PARD3B: variants seen among roughly 807,000 people sequenced by gnomAD.
PARD3B encodes the protein partitioning defective 3 homolog B.
In PARD3B, 103 loss-of-function variants were observed where a neutral mutation model predicts 130.2. That is an observed-to-expected ratio of 0.79 (90% CI 0.67 to 0.93). The LOEUF (loss-of-function observed/expected upper bound fraction) is 0.93. Among genes scored for constraint, PARD3B ranks in the 40% least tolerant of loss-of-function variants. The probability of loss-of-function intolerance (pLI) is 0.00; values close to 1 mark genes in which losing one functional copy is unlikely to be tolerated. For synonymous variants in PARD3B, 583 were observed against 553.2 expected, an observed-to-expected ratio of 1.05 and a Z score of -0.76; for missense variants, 1,609 against 1,499.2, an observed-to-expected ratio of 1.07 and a Z score of -1.21.
At chr2:204,589,318 G>A (rs1359472487) in intron 1 of PARD3B, among the ~76,000 whole-genome samples, 2 of 152,140 alleles carry the variant, frequency 1.3e-5, no homozygotes, top group Non-Finnish European at 2.9e-5. Context: ...CTGATCTGAT[G>A]GAACAGTATT....
chr2:205,442,814 C>T (rs576358617), intron 20 of PARD3B, among the ~76,000 whole-genome samples: 3 of 152,236 alleles, frequency 2.0e-5, no homozygotes, highest in South Asian at 2.1e-4. Flanking sequence ...TTATGATAAT[C>T]TTAACTGCAG....
chr2:204,717,115 G>T (rs190025444), intron 2 of PARD3B, among the ~76,000 whole-genome samples: 2 of 152,228 alleles, frequency 1.3e-5, no homozygotes, highest in East Asian at 3.9e-4. Flanking sequence ...GAATGAACCA[G>T]TTAGTCGTGA....
rs750215118 is a variant in PARD3B at position 205,301,485 on chromosome 2, C to G, written c.2414C>G (p.Ser805Cys). The G allele has an allele frequency of 1.2e-6, 2 of 1,612,618 alleles. No homozygotes were observed. The highest frequency in any genetic ancestry group is 1.7e-6 in the Non-Finnish European group (2 of 1,179,656). ...ACAGACGGTCTGTCTGATAAGAGCT[C>G]TCACTCTGGCCAAGGAGCTCTGAAT... ...IEADGLSDKS[S>C]HSGQGALNCE... Residue 805 changes from serine to cysteine, a missense_variant, in exon 18 of 23, where the codon TCT becomes TGT. Coordinates refer to ENST00000406610, the MANE Select transcript of PARD3B (RefSeq NM_001302769.2). The surrounding 1 kb of genome is among the most constrained non-coding windows in gnomAD (Gnocchi z 5.2).
At chr2:204,861,919 T>C (rs2045220069) in intron 2 of PARD3B, among the ~76,000 whole-genome samples, 1 of 102,808 alleles carries the variant, frequency 9.7e-6, no homozygotes, top group African/African-American at 5.7e-5. Flanking sequence ...AAAGAAGACA[T>C]TTCTCAAAAA....
At chr2:205,037,096 A>G (rs188633109) in intron 3 of PARD3B, among the ~76,000 whole-genome samples, 1,297 of 87,008 alleles carry the variant, frequency 0.015, 8 homozygotes, top group Middle Eastern at 0.078. Flanking sequence ...ATATACATAT[A>G]TAGCGGACTG....
intron 2 of PARD3B, among the ~76,000 whole-genome samples, chr2:204,765,167 C>T (rs907353724): frequency 6.6e-6 from 1 of 152,166 alleles, no homozygotes; most frequent in Admixed American, 6.5e-5. Flanking sequence ...ACATTTGTTT[C>T]ACTGAGCAGA....
At chr2:205,247,310 A>G (rs1189171805) in intron 16 of PARD3B, among the ~76,000 whole-genome samples, 1 of 152,194 alleles carries the variant, frequency 6.6e-6, no homozygotes, top group Non-Finnish European at 1.5e-5. Context: ...GAACTTTGTC[A>G]TCTTTGTATA....
rs958244820 is a variant in PARD3B at position 205,321,746 on chromosome 2, A to G, written c.2630+20045A>G. Among the ~76,000 whole-genome samples the G allele has an allele frequency of 6.6e-6, 1 of 152,172 alleles. No homozygotes were observed. The highest frequency in any genetic ancestry group is 1.5e-5 in the Non-Finnish European group (1 of 68,016). ...TCAAATATGATTACAAGTCAAGAAA[A>G]CCATTTTTGTGGGGTTTATCACTAT... On this transcript the variant is annotated intron_variant, in intron 18 of 22. Transcript: ENST00000406610. This position sits in a 1 kb window ranked among gnomAD's most constrained non-coding sequence, Gnocchi z 4.2.
rs1239012048 is a variant in PARD3B at position 205,089,201 on chromosome 2, G to A, written c.505-15225G>A. Among the ~76,000 whole-genome samples the A allele has an allele frequency of 6.4e-5, 9 of 140,322 alleles. No homozygotes were observed. The East Asian group carries it at 8.4e-4, about 13-fold the overall frequency. 92.1% of individuals were successfully genotyped at this position (140,322 alleles called of 152,430 possible). The stretch of plus-strand genomic sequence containing the variant: ...TTTGTTTGTTTGGAGATGAAGTCTC[G>A]CTCTTGTCCCCTAGGCTGGAGTGCG... On this transcript the variant is annotated intron_variant, in intron 4 of 22. Transcript: ENST00000406610.
chr2:204,682,952 T>C (rs1026480573), intron 1 of PARD3B, among the ~76,000 whole-genome samples: 4 of 152,194 alleles, frequency 2.6e-5, no homozygotes, highest in African/African-American at 9.6e-5. Context: ...CTTTTGGTGC[T>C]ATTAGTATTA....
chr2:205,498,433 C>T (rs2050026520), intron 20 of PARD3B, among the ~76,000 whole-genome samples: 1 of 151,616 alleles, frequency 6.6e-6, no homozygotes, highest in South Asian at 2.1e-4. Context: ...ACCTAGGAGG[C>T]AGAGGGTGCA....
intron 20 of PARD3B, among the ~76,000 whole-genome samples, chr2:205,474,189 CT>C (rs1212483451): frequency 6.6e-6 from 1 of 151,872 alleles, no homozygotes; most frequent in Non-Finnish European, 1.5e-5. Flanking sequence ...TAAAGATATA[CT>C]TTTATTTTCT....
intron 20 of PARD3B, among the ~76,000 whole-genome samples, chr2:205,477,605 A>AATAAT (rs1559130675): frequency 6.6e-6 from 1 of 151,946 alleles, no homozygotes; most frequent in East Asian, 1.9e-4. Flanking sequence ...TTAAAAAAAA[A>AATAAT]AATAAGCACA....
At position 205,187,973 on chromosome 2, in the gene PARD3B, T is replaced by A. The variant is rs1328448705; in HGVS notation, c.2024+2110T>A. On this transcript the variant is annotated intron_variant, in intron 14 of 22. Transcript: ENST00000406610. This position sits in a 1 kb window ranked among gnomAD's most constrained non-coding sequence, Gnocchi z 4.9. ...TCACTTACTCATCCATTCAAAAGTATTTCTGGAGCTCTGAGCCAGACACTG... is the reference window on the plus strand; with the variant it reads ...TCACTTACTCATCCATTCAAAAGTAATTCTGGAGCTCTGAGCCAGACACTG... 6.6e-6 allele frequency among the ~76,000 whole-genome samples: 1 copy of A among 152,224 alleles called. No individual in the cohort carries two copies. Among genetic ancestry groups the A allele is most frequent in the Non-Finnish European group, 1.5e-5 (1 of 68,034 alleles).
At chr2:204,650,608 G>T (rs1293252515) in intron 1 of PARD3B, among the ~76,000 whole-genome samples, 2 of 152,150 alleles carry the variant, frequency 1.3e-5, no homozygotes, top group Non-Finnish European at 2.9e-5. Flanking sequence ...GAACATGGAT[G>T]GAGTAGGAGG....
intron 15 of PARD3B, among the ~76,000 whole-genome samples, chr2:205,206,444 C>A (rs1453038564): frequency 2.0e-5 from 3 of 149,028 alleles, no homozygotes; most frequent in African/African-American, 5.0e-5. Context: ...TCAAGTCCCA[C>A]CTATGAGTGA....
Position 205,187,661 on chromosome 2 carries a change from C to T in PARD3B, c.2024+1798C>T, listed in dbSNP as rs2036174191. On this transcript the variant is annotated intron_variant, in intron 14 of 22. Transcript: ENST00000406610. This position sits in a 1 kb window ranked among gnomAD's most constrained non-coding sequence, Gnocchi z 4.9. The stretch of plus-strand genomic sequence containing the variant: ...CTTCAAAGTCTCCACGGATTTCTTT[C>T]CTTCCCTTTTCTGCAAAGCCATTCC... Among the ~76,000 whole-genome samples the T allele has an allele frequency of 6.6e-6, 1 of 152,206 alleles. No homozygotes were observed. The highest frequency in any genetic ancestry group is 1.5e-5 in the Non-Finnish European group (1 of 68,040).
chr2:204,809,137 T>C (rs1246533101), intron 2 of PARD3B, among the ~76,000 whole-genome samples: 1 of 152,110 alleles, frequency 6.6e-6, no homozygotes, highest in Non-Finnish European at 1.5e-5. Context: ...TTTTTTTTCT[T>C]GTAAATTTGT....
rs57525318 is a variant in PARD3B at position 205,288,191 on chromosome 2, C to A, written c.2186-12339C>A. ...GAAGCCTAGGGGTAGCAGGCAGTGC[C>A]CCCTGTCCCGTCCACCCAGACACAT... is the stretch of plus-strand genomic sequence containing the variant. On this transcript the variant is annotated intron_variant, in intron 16 of 22. Coordinates refer to ENST00000406610, the MANE Select transcript of PARD3B (RefSeq NM_001302769.2). The surrounding 1 kb of genome is among the most constrained non-coding windows in gnomAD (Gnocchi z 4.0). Among the ~76,000 whole-genome samples, 2,927 of 151,494 alleles carry A rather than the reference C, an allele frequency of 0.019. 81 individuals carry two copies. Among genetic ancestry groups the A allele is most frequent in the African/African-American group, 0.067 (2,767 of 41,444 alleles).
Sources: allele counts gnomAD v4.1 joint callset (sites outside exome capture counted in the v4.1 genomes callset), GRCh38; gene constraint gnomAD v4.1.1; non-coding constraint Gnocchi (gnomAD v3.1); transcripts MANE v1.5; gene names NCBI Gene and HGNC (gene_info 2026-07-23, HGNC 2026-07-21).